The following SLIT3 variants were observed in gnomAD, a reference collection of about 807,000 sequenced individuals.
SLIT3 encodes the protein slit guidance ligand 3.
A neutral mutation model predicts 184.0 loss-of-function variants in SLIT3; 68 were observed. The ratio of observed to expected loss-of-function variants is 0.37; its 90% CI spans 0.30 to 0.45. The LOEUF (loss-of-function observed/expected upper bound fraction) is 0.45, where lower values mean the gene tolerates loss of function less well. Among genes scored for constraint, SLIT3 ranks in the 20% least tolerant of loss-of-function variants. The probability of loss-of-function intolerance (pLI) is 1.00; values close to 1 mark genes in which losing one functional copy is unlikely to be tolerated. For synonymous variants in SLIT3, 831 were observed against 828.6 expected, an observed-to-expected ratio of 1.00 and a Z score of -0.05; for missense variants, 1,707 against 2,026.0, an observed-to-expected ratio of 0.84 and a Z score of 3.02.
chr5:169,268,471 C>T (rs1231029954), intron 1 of SLIT3, among the ~76,000 whole-genome samples: 1 of 152,212 alleles, frequency 6.6e-6, no homozygotes. Flanking sequence ...GCGGAACTCT[C>T]CAATTTCCAG....
intron 20 of SLIT3, among the ~76,000 whole-genome samples, chr5:168,739,697 C>T (rs761835080): frequency 9.2e-5 from 14 of 152,178 alleles, no homozygotes; most frequent in African/African-American, 3.1e-4. Context: ...CCACCCACCT[C>T]GGCCTCCCAA....
At chr5:169,077,577 T>A (rs1351968903) in intron 4 of SLIT3, among the ~76,000 whole-genome samples, 1 of 152,118 alleles carries the variant, frequency 6.6e-6, no homozygotes, top group Non-Finnish European at 1.5e-5. Context: ...CAGTAATACA[T>A]ATAAAATATC....
chr5:168,722,402 G>T, intron 22 of SLIT3, 75 bp from the exon 23 acceptor site: 1 of 1,281,418 alleles, frequency 7.8e-7, no homozygotes, highest in South Asian at 1.2e-5. Context: ...TTCACGTTGT[G>T]AAACAAAGCA....
chr5:169,255,225 CCTT>C (rs1765909904), intron 1 of SLIT3, among the ~76,000 whole-genome samples: 1 of 152,292 alleles, frequency 6.6e-6, no homozygotes, highest in South Asian at 2.1e-4. Context: ...AGAGCATACT[CCTT>C]CTACTTATTT....
At chr5:168,893,855 G>C (rs1760561931) in intron 4 of SLIT3, among the ~76,000 whole-genome samples, 2 of 152,186 alleles carry the variant, frequency 1.3e-5, no homozygotes, top group South Asian at 4.1e-4. Flanking sequence ...GATAGCCTAG[G>C]TTCAGAGGCA....
At chr5:168,927,338 CTAG>C (rs1463828682) in intron 4 of SLIT3, among the ~76,000 whole-genome samples, 1 of 152,072 alleles carries the variant, frequency 6.6e-6, no homozygotes, top group Non-Finnish European at 1.5e-5. Context: ...GAGACAGAGA[CTAG>C]TAGTTTCCAG....
chr5:168,846,760 T>C (rs1758488363), intron 5 of SLIT3, among the ~76,000 whole-genome samples: 1 of 152,204 alleles, frequency 6.6e-6, no homozygotes, highest in African/African-American at 2.4e-5. Context: ...TTGCTATTAG[T>C]ATATTATTTA....
At chr5:169,064,214 A>G (rs1758271920) in intron 4 of SLIT3, among the ~76,000 whole-genome samples, 2 of 152,192 alleles carry the variant, frequency 1.3e-5, no homozygotes, top group Non-Finnish European at 1.5e-5. Context: ...ACTTCCTGAA[A>G]GGACTCTAAC....
intron 20 of SLIT3, among the ~76,000 whole-genome samples, chr5:168,735,679 C>T (rs1439050473): frequency 2.0e-5 from 3 of 148,966 alleles, no homozygotes; most frequent in African/African-American, 5.0e-5. Context: ...CACACACACA[C>T]ACACACACAC....
chr5:169,116,581 G>A (rs755142026), intron 4 of SLIT3, among the ~76,000 whole-genome samples: 2 of 152,166 alleles, frequency 1.3e-5, no homozygotes, highest in Non-Finnish European at 2.9e-5. Context: ...AGAACATGGC[G>A]GCTGACTGGA....
chr5:168,762,785 T>A (rs1243252964), intron 14 of SLIT3, 96 bp from the exon 15 acceptor site: 1 of 1,245,974 alleles, frequency 8.0e-7, no homozygotes, highest in Non-Finnish European at 1.1e-6. Flanking sequence ...GATGGGGGAA[T>A]GAGTTGGGGG....
intron 4 of SLIT3, among the ~76,000 whole-genome samples, chr5:169,053,142 T>C (rs1757872415): frequency 6.6e-6 from 1 of 152,244 alleles, no homozygotes; most frequent in African/African-American, 2.4e-5. Flanking sequence ...TAGCTACAGT[T>C]GGGAGTTGGA....
chr5:168,940,120 C>T (rs1278903649), intron 4 of SLIT3, among the ~76,000 whole-genome samples: 4 of 152,110 alleles, frequency 2.6e-5, no homozygotes, highest in Non-Finnish European at 5.9e-5. Context: ...AAATGAGATG[C>T]GGGTGATAAA....
intron 3 of SLIT3, among the ~76,000 whole-genome samples, chr5:169,217,449 G>A (rs1309375342): frequency 6.6e-6 from 1 of 152,152 alleles, no homozygotes; most frequent in Non-Finnish European, 1.5e-5. Flanking sequence ...TGGGACCCCA[G>A]TGTTGGATGA....
chr5:168,849,254 G>T (rs2113723937), intron 5 of SLIT3, among the ~76,000 whole-genome samples: 1 of 152,240 alleles, frequency 6.6e-6, no homozygotes, highest in East Asian at 1.9e-4. Flanking sequence ...CAGATGTTCT[G>T]GGGGCCCAGC....
chr5:168,698,459 A>C (rs1762122427), intron 27 of SLIT3, among the ~76,000 whole-genome samples: 1 of 152,126 alleles, frequency 6.6e-6, no homozygotes, highest in Non-Finnish European at 1.5e-5. Context: ...CAAGCCAAAG[A>C]ATGCCAAAGA....
intron 1 of SLIT3, among the ~76,000 whole-genome samples, chr5:169,253,687 G>A (rs912874951): frequency 2.6e-5 from 4 of 152,110 alleles, no homozygotes; most frequent in South Asian, 2.1e-4. Flanking sequence ...TAGTTGAAGC[G>A]CATCTCTCCC....
rs1463381662 is a variant in SLIT3, at chr5:168,897,646, GTACACACA to G, written c.414-14318_414-14311del. On this transcript the variant is annotated intron_variant, in intron 4 of 35. Coordinates refer to ENST00000519560, the MANE Select transcript of SLIT3 (RefSeq NM_003062.4). ...AGAAAGAGGATGGAGACAGGTGCAC[GTACACACA>G]CACACACACACACACACACACACAA... is the stretch of plus-strand genomic sequence containing the variant. 5.7e-5 allele frequency among the ~76,000 whole-genome samples: 6 copies of G among 105,382 alleles called. No individual in the cohort carries two copies. In the South Asian group the frequency reaches 1.1e-3, roughly 20 times the overall value. 69.1% of individuals were successfully genotyped at this position (105,382 alleles called of 152,430 possible). A position where few individuals can be genotyped will look rare whatever the true frequency, so the allele number is the denominator to read the frequency against.
chr5:168,992,817 C>G (rs1755375504), intron 4 of SLIT3, among the ~76,000 whole-genome samples: 1 of 152,204 alleles, frequency 6.6e-6, no homozygotes, highest in Non-Finnish European at 1.5e-5. Context: ...GATTACTGAA[C>G]ATGGAGGGGG....
Sources: gnomAD v4.1 joint callset for allele counts (sites outside exome capture counted in the v4.1 genomes callset) on GRCh38, gnomAD v4.1.1 for gene constraint, MANE v1.5 for transcripts, NCBI Gene and HGNC (gene_info 2026-07-23, HGNC 2026-07-21) for gene names.